The following TBC1D19 variants were observed in gnomAD, a reference collection of about 807,000 sequenced individuals.
TBC1D19 encodes TBC1 domain family member 19, also known as TBC1 domain family, member 19.
TBC1D19 carries 60 observed loss-of-function variants against 89.0 expected under a neutral mutation model. That is an observed-to-expected ratio of 0.67 (90% CI 0.55 to 0.84). The LOEUF is 0.84. Ranked by LOEUF, TBC1D19 falls within the 40% of genes least tolerant of loss-of-function variation. TBC1D19 has a pLI of 0.00. For synonymous variants in TBC1D19, 189 were observed against 199.7 expected (o/e 0.95, Z 0.45); for missense variants, 500 against 610.8 (o/e 0.82, Z 1.91).
intron 1 of TBC1D19, among the ~76,000 whole-genome samples, chr4:26,597,006 T>A (rs1740264219): frequency 6.6e-6 from 1 of 152,246 alleles, no homozygotes; most frequent in Non-Finnish European, 1.5e-5. Flanking sequence ...TTTTGCTGAA[T>A]GTTCCGTGTG....
chr4:26,837,728 C>G, the TBC1D19 span, among the ~76,000 whole-genome samples: 1 of 152,054 alleles, frequency 6.6e-6, no homozygotes, highest in Non-Finnish European at 1.5e-5. Context: ...GATGAGATCA[C>G]TAAGGGCAAG....
chr4:26,657,501 T>G (rs1744938021), intron 7 of TBC1D19, among the ~76,000 whole-genome samples: 1 of 152,166 alleles, frequency 6.6e-6, no homozygotes, highest in South Asian at 2.1e-4. Context: ...GGCATTTGGG[T>G]TGGTTCCAAG....
chr4:26,683,240 T>C (rs1341522372), intron 11 of TBC1D19, among the ~76,000 whole-genome samples: 2 of 152,198 alleles, frequency 1.3e-5, no homozygotes, highest in Non-Finnish European at 2.9e-5. Context: ...TAAATGTTAC[T>C]AGCTTTATGG....
At chr4:26,750,259 T>G (rs75134119) in intron 19 of TBC1D19, among the ~76,000 whole-genome samples, 2,028 of 152,338 alleles carry the variant, frequency 0.013, 47 homozygotes, top group African/African-American at 0.046. Flanking sequence ...AATTGTAGAC[T>G]TTTAACCAAA....
chr4:26,600,865 C>T (rs959606680), intron 1 of TBC1D19, among the ~76,000 whole-genome samples: 6 of 152,120 alleles, frequency 3.9e-5, no homozygotes, highest in African/African-American at 1.4e-4. Flanking sequence ...ACTGGGATGA[C>T]TAGGATTACA....
chr4:26,741,198 T>C (rs1718349276), intron 17 of TBC1D19, among the ~76,000 whole-genome samples: 3 of 151,148 alleles, frequency 2.0e-5, no homozygotes, highest in Admixed American at 6.6e-5. Flanking sequence ...CTACTAAAAA[T>C]ACAAAAAATT....
At chr4:26,735,154 A>G (rs572515948) in intron 15 of TBC1D19, among the ~76,000 whole-genome samples, 6 of 151,598 alleles carry the variant, frequency 4.0e-5, no homozygotes, top group Admixed American at 6.6e-5. Flanking sequence ...ATATGTGTGT[A>G]TGTGTATATG....
At chr4:26,759,290 T>C (rs1025073973), downstream of TBC1D19, among the ~76,000 whole-genome samples, 4 of 152,322 alleles carry the variant, frequency 2.6e-5, no homozygotes, top group South Asian at 2.1e-4. Context: ...TAAATATTTA[T>C]TGAATGAACG....
At chr4:26,765,220 AG>A in the TBC1D19 span, among the ~76,000 whole-genome samples, 1 of 152,124 alleles carries the variant, frequency 6.6e-6, no homozygotes, top group South Asian at 2.1e-4. Context: ...GGGGTTTGCA[AG>A]AAGGAAGGAG....
intron 18 of TBC1D19, 45 bp downstream of exon 18, chr4:26,742,644 A>G: frequency 6.5e-7 from 1 of 1,546,434 alleles, no homozygotes; most frequent in Non-Finnish European, 8.9e-7. Context: ...AGTTTCACAG[A>G]AAGCTCTTTT....
At chr4:26,825,392 T>C in the TBC1D19 span, among the ~76,000 whole-genome samples, 1 of 152,194 alleles carries the variant, frequency 6.6e-6, no homozygotes, top group Non-Finnish European at 1.5e-5. Flanking sequence ...CCACCACGCC[T>C]GGCTGATTTA....
chr4:26,627,529 C>T (rs1742502491), intron 4 of TBC1D19, among the ~76,000 whole-genome samples: 1 of 152,164 alleles, frequency 6.6e-6, no homozygotes, highest in African/African-American at 2.4e-5. Context: ...GTTCCTATTT[C>T]TCCACATCCT....
chr4:26,653,879 G>A lies in TBC1D19; in HGVS notation c.481-5718G>A, dbSNP rs548417957. 3.3e-5 allele frequency among the ~76,000 whole-genome samples: 5 copies of A among 152,214 alleles called. No individual in the cohort carries two copies. In the East Asian group the frequency reaches 9.6e-4, roughly 29 times the overall value. ...GGGAATTTAGCCCATTGACATTTAAGGTTAATATTGTTATGTGTGGATTTG... is the reference window on the plus strand; with the variant it reads ...GGGAATTTAGCCCATTGACATTTAAAGTTAATATTGTTATGTGTGGATTTG... On this transcript the variant is annotated intron_variant, in intron 7 of 20. Coordinates refer to ENST00000264866, the MANE Select transcript of TBC1D19 (RefSeq NM_018317.4).
At chr4:26,837,226 G>A in the TBC1D19 span, among the ~76,000 whole-genome samples, 1 of 152,190 alleles carries the variant, frequency 6.6e-6, no homozygotes, top group Non-Finnish European at 1.5e-5. Context: ...GGAAAAGTTT[G>A]TACTGGTTTT....
chr4:26,836,798 C>G, the TBC1D19 span, among the ~76,000 whole-genome samples: 1 of 152,204 alleles, frequency 6.6e-6, no homozygotes, highest in African/African-American at 2.4e-5. Context: ...TGGCAAGCCT[C>G]ACAGCAGCAA....
At position 26,640,244 on chromosome 4, in the gene TBC1D19, A is replaced by G. The variant is rs968178963; in HGVS notation, c.480+57A>G. 9.4e-6 allele frequency: 13 copies of G among 1,385,280 alleles called. No individual in the cohort carries two copies. The South Asian group carries it at 1.6e-4, about 17-fold the overall frequency. 85.8% of individuals were successfully genotyped at this position (1,385,280 alleles called of 1,614,324 possible). On this transcript the variant is annotated intron_variant, in intron 7 of 20. Coordinates refer to ENST00000264866, the MANE Select transcript of TBC1D19 (RefSeq NM_018317.4). Reference sequence around the variant, plus strand: ...AATGAATGAATAATGTGAATAAATGATGATGTAAAAATATATCAAGGCAGA... The same window carrying G: ...AATGAATGAATAATGTGAATAAATGGTGATGTAAAAATATATCAAGGCAGA...
At chr4:26,594,388 T>C (rs1740052114) in intron 1 of TBC1D19, among the ~76,000 whole-genome samples, 1 of 151,930 alleles carries the variant, frequency 6.6e-6, no homozygotes, top group African/African-American at 2.4e-5. Flanking sequence ...ATACCTAATG[T>C]TAAATGACGA....
At chr4:26,634,009 C>T (rs1742961364) in intron 4 of TBC1D19, among the ~76,000 whole-genome samples, 1 of 150,826 alleles carries the variant, frequency 6.6e-6, no homozygotes, top group African/African-American at 2.4e-5. Flanking sequence ...ATGGGTATGC[C>T]TTTAGTAACC....
the TBC1D19 span, among the ~76,000 whole-genome samples, chr4:26,782,796 A>T: frequency 6.6e-6 from 1 of 152,192 alleles, no homozygotes; most frequent in African/African-American, 2.4e-5. Context: ...CATACTATAT[A>T]TCCCAAAAGC....
Sources: allele counts gnomAD v4.1 joint callset (sites outside exome capture counted in the v4.1 genomes callset), GRCh38; gene constraint gnomAD v4.1.1; transcripts MANE v1.5; gene names NCBI Gene and HGNC (gene_info 2026-07-23, HGNC 2026-07-21).